The following CSMD3 variants were observed in gnomAD, a reference collection of about 807,000 sequenced individuals.
The protein encoded by CSMD3 is CUB and Sushi multiple domains 3.
CSMD3 carries 177 observed loss-of-function variants against 435.2 expected under a neutral mutation model. That is an observed-to-expected ratio of 0.41 (90% CI 0.36 to 0.46). The LOEUF is 0.46. Ranked by LOEUF, CSMD3 falls within the 20% of genes least tolerant of loss-of-function variation. The pLI is 0.34. For missense variants in CSMD3, 4,265 were observed against 4,504.6 expected, an observed-to-expected ratio of 0.95 and a Z score of 1.52; for synonymous variants, 1,656 against 1,520.5, an observed-to-expected ratio of 1.09 and a Z score of -2.07.
chr8:112,344,906 G>A (rs1825517139), intron 41 of CSMD3, among the ~76,000 whole-genome samples: 1 of 152,004 alleles, frequency 6.6e-6, no homozygotes, highest in Non-Finnish European at 1.5e-5. Flanking sequence ...AAGAAAATGG[G>A]ATGAATTCAA....
chr8:112,316,132 G>T (rs2130846632), intron 47 of CSMD3, among the ~76,000 whole-genome samples: 1 of 151,784 alleles, frequency 6.6e-6, no homozygotes, highest in East Asian at 1.9e-4. Context: ...TTGAAAACCG[G>T]CCAGAACTAA....
intron 38 of CSMD3, among the ~76,000 whole-genome samples, chr8:112,366,556 C>T (rs1408952608): frequency 6.6e-6 from 1 of 152,114 alleles, no homozygotes. Context: ...TGACAGTATG[C>T]CTGGCTAATT....
In CSMD3 at chr8:112,743,758, G is replaced by C. The variant is rs140060652; in HGVS notation, c.1973-53708C>G. On this transcript the variant is annotated intron_variant, in intron 13 of 70. Transcript: ENST00000297405. ...TAAAAGGGAAAATAGTTTTTACCAT[G>C]TGCTTTTTCTTTTAAATACTTGCAT... Among the ~76,000 whole-genome samples the C allele has an allele frequency of 4.7e-3, 712 of 151,998 alleles. 9 individuals are homozygous for C. The highest frequency in any genetic ancestry group is 0.017 in the African/African-American group (688 of 41,506).
At chr8:113,054,752 C>T (rs983940053) in intron 5 of CSMD3, among the ~76,000 whole-genome samples, 5 of 152,224 alleles carry the variant, frequency 3.3e-5, no homozygotes, top group Middle Eastern at 3.4e-3. Context: ...TTTCTGTACA[C>T]GCTGTCTTCA....
chr8:112,323,620 AG>A (rs2130887187), intron 45 of CSMD3, among the ~76,000 whole-genome samples: 1 of 152,188 alleles, frequency 6.6e-6, no homozygotes, highest in East Asian at 1.9e-4. Flanking sequence ...CTATAAGCTA[AG>A]GAATGCCAAA....
chr8:113,436,930 AGCTC>A lies in CSMD3; in HGVS notation c.-80_-77del. The A allele has an allele frequency of 6.6e-7, 1 of 1,512,880 alleles. No homozygotes were observed. Among genetic ancestry groups the A allele is most frequent in the Non-Finnish European group, 9.2e-7 (1 of 1,091,448 alleles). The allele number at this position is 1,512,880 out of a possible 1,614,324, so 93.7% of individuals were successfully genotyped here. Reference sequence around the variant, plus strand: ...GTTGCTGTTGTTGGTGCGCGGTCACAGCTCGGAGTGAATGGTGTTTCTGGGATAC... The same window carrying A: ...GTTGCTGTTGTTGGTGCGCGGTCACAGGAGTGAATGGTGTTTCTGGGATAC... On this transcript the variant is annotated 5_prime_UTR_variant, in exon 1 of 71. Coordinates refer to ENST00000297405, the MANE Select transcript of CSMD3 (RefSeq NM_198123.2).
Position 112,223,239 on chromosome 8 carries a change from A to G in CSMD3, c.*1532T>C, listed in dbSNP as rs1000112603. 19 of 389,038 alleles carry G rather than the reference A, an allele frequency of 4.9e-5. No homozygotes were observed. Among genetic ancestry groups the G allele is most frequent in the Non-Finnish European group, 7.7e-5 (17 of 219,780 alleles). The allele number at this position is 389,038 out of a possible 1,614,324, so 24.1% of individuals were successfully genotyped here. A position where few individuals can be genotyped will look rare whatever the true frequency, so the allele number is the denominator to read the frequency against. ...GTTGAGAAAATTGTATGAATTTCCA[A>G]AACAATGTATCTCAAAGTGGTTTAC... On this transcript the variant is annotated 3_prime_UTR_variant, in exon 71 of 71. Coordinates refer to ENST00000297405, the MANE Select transcript of CSMD3 (RefSeq NM_198123.2).
intron 5 of CSMD3, among the ~76,000 whole-genome samples, chr8:113,073,505 C>T (rs1166382131): frequency 6.6e-6 from 1 of 151,730 alleles, no homozygotes; most frequent in Non-Finnish European, 1.5e-5. Context: ...GTAACCTGGT[C>T]CTCTTCATAA....
chr8:112,821,431 G>C (rs1160681625), intron 12 of CSMD3, among the ~76,000 whole-genome samples: 1 of 151,028 alleles, frequency 6.6e-6, no homozygotes, highest in Middle Eastern at 3.2e-3. Flanking sequence ...CATGTTTGTT[G>C]GCTGCATAAA....
At chr8:113,223,380 G>A (rs2092991753) in intron 3 of CSMD3, among the ~76,000 whole-genome samples, 1 of 150,144 alleles carries the variant, frequency 6.7e-6, no homozygotes, top group Non-Finnish European at 1.5e-5. Context: ...TTGTGACCTT[G>A]GGACTTTTTG....
At chr8:112,348,554 C>T (rs1825870372) in intron 40 of CSMD3, among the ~76,000 whole-genome samples, 1 of 151,796 alleles carries the variant, frequency 6.6e-6, no homozygotes, top group South Asian at 2.1e-4. Context: ...ACATGTAGTA[C>T]CAGCTTATTG....
intron 5 of CSMD3, among the ~76,000 whole-genome samples, chr8:113,073,946 C>T (rs1333162990): frequency 6.6e-6 from 1 of 151,730 alleles, no homozygotes; most frequent in Non-Finnish European, 1.5e-5. Flanking sequence ...TCCTCCTATA[C>T]TGATCCAAGT....
intron 59 of CSMD3, among the ~76,000 whole-genome samples, chr8:112,274,071 G>T (rs552865637): frequency 6.6e-6 from 1 of 152,016 alleles, no homozygotes; most frequent in Non-Finnish European, 1.5e-5. Flanking sequence ...AGTTTTAAAG[G>T]CTACGGTGGG....
intron 1 of CSMD3, among the ~76,000 whole-genome samples, chr8:113,354,883 C>T (rs1335237972): frequency 6.6e-6 from 1 of 152,138 alleles, no homozygotes; most frequent in Non-Finnish European, 1.5e-5. Context: ...AAGCACTCCA[C>T]CGACCTGGGC....
intron 9 of CSMD3, among the ~76,000 whole-genome samples, chr8:112,927,706 G>A (rs1388795894): frequency 6.6e-6 from 1 of 151,954 alleles, no homozygotes; most frequent in Non-Finnish European, 1.5e-5. Context: ...AAAACATAAT[G>A]AATACCATGT....
chr8:112,545,495 AAAAAAAAATAAT>A (rs1197394590), intron 27 of CSMD3, among the ~76,000 whole-genome samples: 1 of 141,940 alleles, frequency 7.0e-6, no homozygotes, highest in Non-Finnish European at 1.5e-5. Flanking sequence ...AAAAAAAAAA[AAAAAAAAATAAT>A]AATAATAATA....
At chr8:112,848,058 T>C (rs2080377598) in intron 11 of CSMD3, among the ~76,000 whole-genome samples, 1 of 152,178 alleles carries the variant, frequency 6.6e-6, no homozygotes, top group African/African-American at 2.4e-5. Context: ...TAGAAAAGGC[T>C]GTCCTTTACC....
At chr8:113,221,115 A>C (rs567381304) in intron 3 of CSMD3, among the ~76,000 whole-genome samples, 2 of 151,416 alleles carry the variant, frequency 1.3e-5, no homozygotes, top group South Asian at 4.2e-4. Flanking sequence ...ATTTTGTTGG[A>C]TCTTGTACTG....
chr8:113,310,792 T>C (rs2093861972), intron 2 of CSMD3: 1 of 151,630 alleles, frequency 6.6e-6, no homozygotes, highest in African/African-American at 2.4e-5. Flanking sequence ...CAATCTAAAA[T>C]ATAGAAAATA....
Sources: gnomAD v4.1 joint callset for allele counts (sites outside exome capture counted in the v4.1 genomes callset) on GRCh38, gnomAD v4.1.1 for gene constraint, MANE v1.5 for transcripts, NCBI Gene and HGNC (gene_info 2026-07-23, HGNC 2026-07-21) for gene names.